RSRC1: variants seen among roughly 807,000 people sequenced by gnomAD.
RSRC1 encodes the protein arginine and serine rich coiled-coil 1.
Under a neutral mutation model 49.1 loss-of-function variants are expected in RSRC1, and 39 were observed. The observed-to-expected ratio is 0.79, with a 90% CI of 0.61 to 1.04. The LOEUF is 1.04. Ranked by LOEUF, RSRC1 falls within the 50% of genes least tolerant of loss-of-function variation. The pLI is 0.00. For missense variants in RSRC1, 388 were observed against 402.4 expected (o/e 0.96, Z 0.31); for synonymous variants, 143 against 130.8 (o/e 1.09, Z -0.63).
intron 3 of RSRC1, among the ~76,000 whole-genome samples, chr3:158,174,416 A>G (rs946753461): frequency 2.6e-5 from 4 of 152,024 alleles, no homozygotes; most frequent in East Asian, 1.9e-4. Context: ...TGTTCAGCTC[A>G]ATGAATTACT....
At chr3:158,121,023 G>T (rs1477553153) in intron 1 of RSRC1, among the ~76,000 whole-genome samples, 1 of 151,570 alleles carries the variant, frequency 6.6e-6, no homozygotes, top group South Asian at 2.1e-4. Context: ...CTAAATGTCC[G>T]TGTTACCATA....
At chr3:158,391,071 G>T (rs1733256701) in intron 6 of RSRC1, among the ~76,000 whole-genome samples, 1 of 152,018 alleles carries the variant, frequency 6.6e-6, no homozygotes, top group African/African-American at 2.4e-5. Flanking sequence ...TCATTATGAG[G>T]TATGAGACAA....
At chr3:158,133,086 G>A (rs1174004164) in intron 3 of RSRC1, among the ~76,000 whole-genome samples, 1 of 152,100 alleles carries the variant, frequency 6.6e-6, no homozygotes, top group Non-Finnish European at 1.5e-5. Context: ...TATTTTTATT[G>A]TGAATGTATT....
intron 7 of RSRC1, chr3:158,497,042 T>A (rs1444622633): frequency 6.6e-6 from 1 of 152,198 alleles, no homozygotes; most frequent in African/African-American, 2.4e-5. Context: ...TAATTTAAAA[T>A]TTTTTAATTG....
At chr3:158,400,228 C>T (rs1454859070) in intron 6 of RSRC1, among the ~76,000 whole-genome samples, 1 of 151,998 alleles carries the variant, frequency 6.6e-6, no homozygotes. Context: ...CCTAAAATGT[C>T]ATAATTCAGT....
chr3:158,263,718 G>A (rs1368528962), intron 4 of RSRC1, among the ~76,000 whole-genome samples: 1 of 152,092 alleles, frequency 6.6e-6, no homozygotes, highest in Non-Finnish European at 1.5e-5. Context: ...TTGCTACTCA[G>A]TTTCTTATCA....
intron 7 of RSRC1, among the ~76,000 whole-genome samples, chr3:158,525,149 G>A (rs779449097): frequency 6.6e-6 from 1 of 151,856 alleles, no homozygotes; most frequent in Non-Finnish European, 1.5e-5. Flanking sequence ...TAGAATGGAA[G>A]CAAATATTAG....
At chr3:158,384,092 A>G (rs950685051) in intron 6 of RSRC1, among the ~76,000 whole-genome samples, 1 of 152,156 alleles carries the variant, frequency 6.6e-6, no homozygotes, top group Non-Finnish European at 1.5e-5. Context: ...GTAATTTTAT[A>G]TTAGTGAAGA....
chr3:158,144,092 A>G (rs984925107), intron 3 of RSRC1, among the ~76,000 whole-genome samples: 1 of 152,226 alleles, frequency 6.6e-6, no homozygotes, highest in African/African-American at 2.4e-5. Flanking sequence ...AGGGATTGTA[A>G]GTAGAATAAA....
In RSRC1 at chr3:158,425,222, T is replaced by A. The variant is rs1735342125; in HGVS notation, c.584-35713T>A. Among the ~76,000 whole-genome samples the A allele has an allele frequency of 2.0e-5, 3 of 152,170 alleles. No homozygotes were observed. The South Asian group carries it at 6.2e-4, about 31-fold the overall frequency. ...GCTTTGTCTTGTGGGCATTTAGTGC[T>A]ATAAATTTCCCTCTACACACTGCTT... On this transcript the variant is annotated intron_variant, in intron 6 of 9. Transcript: ENST00000611884.
intron 6 of RSRC1, among the ~76,000 whole-genome samples, chr3:158,442,470 G>A (rs1736435746): frequency 6.6e-6 from 1 of 151,958 alleles, no homozygotes; most frequent in African/African-American, 2.4e-5. Flanking sequence ...TACTTAAGAA[G>A]CAATTTCTCA....
intron 7 of RSRC1, among the ~76,000 whole-genome samples, chr3:158,530,788 G>C (rs1315109777): frequency 6.6e-6 from 1 of 151,358 alleles, no homozygotes; most frequent in Non-Finnish European, 1.5e-5. Flanking sequence ...CAAACCCAGA[G>C]CCCTTAAAAC....
At chr3:158,315,416 G>T (rs1728375066) in intron 5 of RSRC1, among the ~76,000 whole-genome samples, 1 of 152,096 alleles carries the variant, frequency 6.6e-6, no homozygotes, top group Non-Finnish European at 1.5e-5. Flanking sequence ...AATTTTTGGT[G>T]CTACTCTTAT....
intron 7 of RSRC1, among the ~76,000 whole-genome samples, chr3:158,467,202 A>G (rs1251613471): frequency 3.3e-5 from 5 of 152,220 alleles, no homozygotes; most frequent in African/African-American, 1.2e-4. Flanking sequence ...CTGAATATTC[A>G]CTACATCCAG....
At chr3:158,142,863 C>T (rs1716835862) in intron 3 of RSRC1, among the ~76,000 whole-genome samples, 1 of 152,134 alleles carries the variant, frequency 6.6e-6, no homozygotes, top group South Asian at 2.1e-4. Flanking sequence ...CTCTCTCTCC[C>T]TCACTTGTGT....
intron 4 of RSRC1, among the ~76,000 whole-genome samples, chr3:158,255,743 T>G (rs1483974862): frequency 1.3e-5 from 2 of 152,194 alleles, no homozygotes; most frequent in African/African-American, 4.8e-5. Context: ...GAGCAGTGGT[T>G]TATAGTTCTC....
intron 5 of RSRC1, among the ~76,000 whole-genome samples, chr3:158,325,468 C>T (rs931511781): frequency 6.6e-6 from 1 of 152,168 alleles, no homozygotes; most frequent in African/African-American, 2.4e-5. Flanking sequence ...TTTCCCAGAA[C>T]CATTTATTAA....
chr3:158,174,656 G>A (rs1719093473), intron 3 of RSRC1, among the ~76,000 whole-genome samples: 1 of 151,782 alleles, frequency 6.6e-6, no homozygotes, highest in African/African-American at 2.4e-5. Context: ...GGCTTATTTT[G>A]CTCAACTTTC....
chr3:158,355,367 A>G (rs1731100005), intron 6 of RSRC1, among the ~76,000 whole-genome samples: 1 of 151,690 alleles, frequency 6.6e-6, no homozygotes, highest in Non-Finnish European at 1.5e-5. Context: ...TATATAAAAT[A>G]TAACTTTATA....
Sources: gnomAD v4.1 joint callset for allele counts (sites outside exome capture counted in the v4.1 genomes callset) on GRCh38, gnomAD v4.1.1 for gene constraint, MANE v1.5 for transcripts, NCBI Gene and HGNC (gene_info 2026-07-23, HGNC 2026-07-21) for gene names.